LSAMP: variants seen among roughly 807,000 people sequenced by gnomAD.
LSAMP encodes limbic system-associated membrane protein.
LSAMP carries 7 observed loss-of-function variants against 38.6 expected under a neutral mutation model. The ratio of observed to expected loss-of-function variants is 0.18; its 90% CI spans 0.10 to 0.34. The LOEUF is 0.34. Ranked by LOEUF, LSAMP falls within the 10% of genes least tolerant of loss-of-function variation. The pLI, the probability that LSAMP is intolerant of heterozygous loss-of-function variation, is 1.00. For missense variants in LSAMP, 313 were observed against 420.0 expected (o/e 0.75, Z 2.23); for synonymous variants, 154 against 166.8 (o/e 0.92, Z 0.59).
At position 115,878,453 on chromosome 3, in the gene LSAMP, CTTTTTTT is replaced by C. The variant is rs3087024; in HGVS notation, c.515-25843_515-25837del. 1.9e-3 allele frequency among the ~76,000 whole-genome samples: 104 copies of C among 55,538 alleles called. 4 individuals are homozygous for C. In the South Asian group the frequency reaches 0.088, roughly 47 times the overall value. The allele number at this position is 55,538 out of a possible 152,430, so 36.4% of individuals were successfully genotyped here. The stretch of plus-strand genomic sequence containing the variant: ...CTTGATACTTTGAGAACATGCTATT[CTTTTTTT>C]TTTTTTTTTTTTTTTTTTTTTGACA... On this transcript the variant is annotated intron_variant, in intron 3 of 6. Transcript: ENST00000490035.
chr3:116,017,086 G>A (rs1940505570), intron 3 of LSAMP, among the ~76,000 whole-genome samples: 2 of 152,056 alleles, frequency 1.3e-5, no homozygotes, highest in South Asian at 4.1e-4. Context: ...CTATTAAGGG[G>A]TCAAGTCACA....
chr3:115,907,976 G>T (rs1355586950), intron 3 of LSAMP, among the ~76,000 whole-genome samples: 1 of 152,046 alleles, frequency 6.6e-6, no homozygotes, highest in African/African-American at 2.4e-5. Flanking sequence ...TCTATCTAAA[G>T]TAGGATCTTT....
chr3:116,300,439 T>TAACA (rs966375686), intron 1 of LSAMP, among the ~76,000 whole-genome samples: 8 of 152,144 alleles, frequency 5.3e-5, no homozygotes, highest in Admixed American at 3.3e-4. Flanking sequence ...ACTTGATTTG[T>TAACA]AACACATAAA....
At chr3:116,149,505 A>C (rs1166401835) in intron 1 of LSAMP, among the ~76,000 whole-genome samples, 2 of 151,962 alleles carry the variant, frequency 1.3e-5, no homozygotes, top group Non-Finnish European at 2.9e-5. Context: ...ACCGTTTGAG[A>C]GATTGAACCT....
At chr3:116,444,730 C>G in intron 1 of LSAMP, 147 bp downstream of exon 1, 1 of 942,964 alleles carries the variant, frequency 1.1e-6, no homozygotes, top group Admixed American at 2.2e-5. Flanking sequence ...CACACACACA[C>G]CACACACACA....
chr3:116,308,313 G>C (rs1559822552), intron 1 of LSAMP, among the ~76,000 whole-genome samples: 1 of 151,936 alleles, frequency 6.6e-6, no homozygotes, highest in African/African-American at 2.4e-5. Flanking sequence ...TATGCCATAA[G>C]ATATGAATCA....
chr3:116,233,575 CTAACTA>C (rs2046429765), intron 1 of LSAMP, among the ~76,000 whole-genome samples: 1 of 152,088 alleles, frequency 6.6e-6, no homozygotes, highest in Non-Finnish European at 1.5e-5. Context: ...TTCCTTCCAT[CTAACTA>C]TATTTCTGCA....
chr3:115,866,640 A>C (rs1275191747), intron 3 of LSAMP, among the ~76,000 whole-genome samples: 9 of 152,080 alleles, frequency 5.9e-5, no homozygotes, highest in Admixed American at 5.9e-4. Flanking sequence ...GTTTCTTTGC[A>C]TCATGCTATG....
At position 116,264,118 on chromosome 3, in the gene LSAMP, G is replaced by T. The variant is rs538129486; in HGVS notation, c.156-177562C>A. Reference sequence around the variant, plus strand: ...AAATATCACCTTTTAGTATTATGTTGTCTAGTAGGTCAGCAGAATCTAATT... The same window carrying T: ...AAATATCACCTTTTAGTATTATGTTTTCTAGTAGGTCAGCAGAATCTAATT... On this transcript the variant is annotated intron_variant, in intron 1 of 6. Coordinates refer to ENST00000490035, the MANE Select transcript of LSAMP (RefSeq NM_002338.5). Among the ~76,000 whole-genome samples, 27 of 152,272 alleles carry T rather than the reference G, an allele frequency of 1.8e-4. No homozygotes were observed. The South Asian group carries it at 3.7e-3, about 21-fold the overall frequency.
At chr3:116,356,950 C>A (rs962099151) in intron 1 of LSAMP, among the ~76,000 whole-genome samples, 2 of 152,058 alleles carry the variant, frequency 1.3e-5, no homozygotes, top group African/African-American at 4.8e-5. Context: ...CCCGCCACCA[C>A]GCCTGGCTAA....
At chr3:116,263,615 T>A (rs2046857009) in intron 1 of LSAMP, among the ~76,000 whole-genome samples, 1 of 152,120 alleles carries the variant, frequency 6.6e-6, no homozygotes, top group African/African-American at 2.4e-5. Flanking sequence ...GGTTAAATAT[T>A]TTCAGCTTCA....
At chr3:115,954,630 A>G (rs545819534) in intron 3 of LSAMP, among the ~76,000 whole-genome samples, 2 of 152,318 alleles carry the variant, frequency 1.3e-5, no homozygotes, top group African/African-American at 4.8e-5. Flanking sequence ...CCAAATATAG[A>G]TTAGAATAAA....
At chr3:115,839,308 T>C (rs1014559994) in intron 6 of LSAMP, among the ~76,000 whole-genome samples, 1 of 138,626 alleles carries the variant, frequency 7.2e-6, no homozygotes, top group Non-Finnish European at 1.6e-5. Context: ...CTTCCTTCCT[T>C]CCTTCCTTCC....
At chr3:115,876,781 C>T (rs760774834) in intron 3 of LSAMP, among the ~76,000 whole-genome samples, 5 of 152,004 alleles carry the variant, frequency 3.3e-5, no homozygotes, top group Admixed American at 2.6e-4. Context: ...TGTGATCATA[C>T]ATGTGTGAGG....
intron 2 of LSAMP, among the ~76,000 whole-genome samples, chr3:116,021,752 A>G (rs1940643831): frequency 6.6e-6 from 1 of 151,238 alleles, no homozygotes; most frequent in Admixed American, 6.6e-5. Context: ...ATCCACAACT[A>G]AAAAAAAATC....
intron 3 of LSAMP, among the ~76,000 whole-genome samples, chr3:116,001,971 A>T (rs1367908631): frequency 1.3e-5 from 2 of 152,074 alleles, no homozygotes; most frequent in Non-Finnish European, 2.9e-5. Context: ...TCTGTCTATC[A>T]CCCTCCTCTT....
At chr3:116,148,639 G>C (rs1020100340) in intron 1 of LSAMP, among the ~76,000 whole-genome samples, 1 of 151,968 alleles carries the variant, frequency 6.6e-6, no homozygotes, top group Admixed American at 6.6e-5. Context: ...GTTCCAGTGA[G>C]TTAATGACAC....
At chr3:115,890,253 C>T (rs1164754556) in intron 3 of LSAMP, among the ~76,000 whole-genome samples, 2 of 151,906 alleles carry the variant, frequency 1.3e-5, no homozygotes, top group Non-Finnish European at 2.9e-5. Context: ...AAACAAGTTT[C>T]TGAACTTGTA....
intron 1 of LSAMP, among the ~76,000 whole-genome samples, chr3:116,137,038 T>C (rs1214147316): frequency 6.6e-6 from 1 of 152,130 alleles, no homozygotes; most frequent in Admixed American, 6.6e-5. Context: ...CTTCTTTGTC[T>C]TTTCTGGCTT....
Sources: gnomAD v4.1 joint callset for allele counts (sites outside exome capture counted in the v4.1 genomes callset) on GRCh38, gnomAD v4.1.1 for gene constraint, MANE v1.5 for transcripts, NCBI Gene and HGNC (gene_info 2026-07-23, HGNC 2026-07-21) for gene names.